The following ZMAT4 variants were observed in gnomAD, a reference collection of about 807,000 sequenced individuals.
The protein encoded by ZMAT4 is zinc finger matrin-type protein 4.
In ZMAT4, 17 loss-of-function variants were observed where a neutral mutation model predicts 28.7. That is an observed-to-expected ratio of 0.59 (90% CI 0.41 to 0.89). The LOEUF (loss-of-function observed/expected upper bound fraction) is 0.89, where lower values mean the gene tolerates loss of function less well. Ranked by LOEUF, ZMAT4 falls within the 40% of genes least tolerant of loss-of-function variation. The pLI is 0.00. For missense variants in ZMAT4, 240 were observed against 283.8 expected, an observed-to-expected ratio of 0.85 and a Z score of 1.11; for synonymous variants, 117 against 109.2, an observed-to-expected ratio of 1.07 and a Z score of -0.44.
Position 40,895,061 on chromosome 8 carries a change from C to T in ZMAT4, c.-5+2622G>A, listed in dbSNP as rs549430814. ...CAGAAGGATGACAGGGATGGAGGGACAGAGGGGTAAGGAGAGGACTTTTAT... is the reference window on the plus strand; with the variant it reads ...CAGAAGGATGACAGGGATGGAGGGATAGAGGGGTAAGGAGAGGACTTTTAT... On this transcript the variant is annotated intron_variant, in intron 1 of 6. Coordinates refer to ENST00000297737, the MANE Select transcript of ZMAT4 (RefSeq NM_024645.3). Among the ~76,000 whole-genome samples, 11 of 152,218 alleles carry T rather than the reference C, an allele frequency of 7.2e-5. No homozygotes were observed. The East Asian group carries it at 1.9e-3, about 27-fold the overall frequency.
chr8:40,882,869 A>C (rs1423363355), intron 1 of ZMAT4, among the ~76,000 whole-genome samples: 1 of 152,106 alleles, frequency 6.6e-6, no homozygotes, highest in African/African-American at 2.4e-5. Flanking sequence ...ATTTCATCCC[A>C]AAAAGACCAC....
chr8:40,793,484 A>C (rs1586061322), intron 2 of ZMAT4, among the ~76,000 whole-genome samples: 1 of 152,316 alleles, frequency 6.6e-6, no homozygotes, highest in East Asian at 1.9e-4. Flanking sequence ...TTTCTTTCCT[A>C]ATAGCATGAT....
In ZMAT4 at chr8:40,851,353, A is replaced by C. The variant is rs549152252; in HGVS notation, c.-4-25673T>G. 7.9e-5 allele frequency among the ~76,000 whole-genome samples: 12 copies of C among 152,324 alleles called. No homozygotes were observed. In the South Asian group the frequency reaches 1.9e-3, roughly 24 times the overall value. On this transcript the variant is annotated intron_variant, in intron 1 of 6. Coordinates refer to ENST00000297737, the MANE Select transcript of ZMAT4 (RefSeq NM_024645.3). The stretch of plus-strand genomic sequence containing the variant: ...CAATAAAAGGAAACAAACAAACAAA[A>C]AAAAACTTAACTATATTTTAAATGC...
intron 1 of ZMAT4, among the ~76,000 whole-genome samples, chr8:40,880,369 CAAA>C (rs542001956): frequency 3.3e-5 from 4 of 122,376 alleles, no homozygotes; most frequent in African/African-American, 3.0e-5. Context: ...AACTCCATCT[CAAA>C]AAAAAAAAAA....
chr8:40,594,232 TC>T, intron 5 of ZMAT4, among the ~76,000 whole-genome samples: 2 of 152,174 alleles, frequency 1.3e-5, no homozygotes, highest in Non-Finnish European at 2.9e-5. Flanking sequence ...TACAGTTATC[TC>T]AGTGGCCTTA....
chr8:40,609,156 T>C (rs566740782), intron 5 of ZMAT4, among the ~76,000 whole-genome samples: 6 of 152,322 alleles, frequency 3.9e-5, no homozygotes, highest in African/African-American at 1.4e-4. Context: ...AGCAAAATTC[T>C]ATAAAAAGTA....
chr8:40,556,065 C>T (rs1803525119), intron 6 of ZMAT4, among the ~76,000 whole-genome samples: 2 of 152,146 alleles, frequency 1.3e-5, no homozygotes, highest in Admixed American at 1.3e-4. Context: ...GGTTCTCCTA[C>T]TTCTATAGCA....
At chr8:40,715,047 CAAAA>C (rs10690797) in intron 3 of ZMAT4, among the ~76,000 whole-genome samples, 1 of 73,364 alleles carries the variant, frequency 1.4e-5, no homozygotes, top group Non-Finnish European at 2.4e-5. Context: ...GACTCTGTCT[CAAAA>C]AAAAAAAAAA....
rs1014958952 is a variant in ZMAT4 at position 40,793,926 on chromosome 8, G to A, written c.103-26196C>T. ...GCCCCAGATCTGTACACTCCTCAAG[G>A]ACATATGCAAGCTCCCTTCTGTGGA... is the stretch of plus-strand genomic sequence containing the variant. On this transcript the variant is annotated intron_variant, in intron 2 of 6. Transcript: ENST00000297737. Among the ~76,000 whole-genome samples, 16 of 152,242 alleles carry A rather than the reference G, an allele frequency of 1.1e-4. No individual in the cohort carries two copies. In the East Asian group the frequency reaches 3.1e-3, roughly 29 times the overall value.
At chr8:40,868,942 A>C (rs1057118195) in intron 1 of ZMAT4, among the ~76,000 whole-genome samples, 3 of 152,210 alleles carry the variant, frequency 2.0e-5, no homozygotes, top group African/African-American at 7.2e-5. Flanking sequence ...AGTATTGCCC[A>C]TTATACCAAA....
At chr8:40,663,260 T>C (rs1808276216) in intron 5 of ZMAT4, among the ~76,000 whole-genome samples, 1 of 152,184 alleles carries the variant, frequency 6.6e-6, no homozygotes, top group Admixed American at 6.5e-5. Context: ...CTTCTACATA[T>C]CTCAATGCTA....
chr8:40,699,541 T>C (rs1810038308), intron 3 of ZMAT4, among the ~76,000 whole-genome samples: 1 of 151,960 alleles, frequency 6.6e-6, no homozygotes, highest in Non-Finnish European at 1.5e-5. Context: ...ATAGCAAATA[T>C]ATTGAATCAA....
chr8:40,645,055 A>T (rs11988838), intron 5 of ZMAT4, among the ~76,000 whole-genome samples: 314 of 152,312 alleles, frequency 2.1e-3, no homozygotes, highest in African/African-American at 7.0e-3. Flanking sequence ...TCTATATGGG[A>T]TCCTGAAACA....
intron 1 of ZMAT4, among the ~76,000 whole-genome samples, chr8:40,881,535 A>AAAC (rs1818249878): frequency 2.9e-5 from 1 of 34,454 alleles, no homozygotes; most frequent in African/African-American, 1.4e-4. Context: ...AGACAGAAAG[A>AAAC]AAGAAAGAAA....
Position 40,872,918 on chromosome 8 carries a change from C to T in ZMAT4, c.-5+24765G>A, listed in dbSNP as rs906981087. On this transcript the variant is annotated intron_variant, in intron 1 of 6. Coordinates refer to ENST00000297737, the MANE Select transcript of ZMAT4 (RefSeq NM_024645.3). ...TTAACAAAACACAGACCACTAGAGC[C>T]GTCAGCAGGGTTCAGTCAGCTCAAC... Among the ~76,000 whole-genome samples, 5 of 152,060 alleles carry T rather than the reference C, an allele frequency of 3.3e-5. No individual in the cohort carries two copies. The East Asian group carries it at 5.8e-4, about 18-fold the overall frequency.
chr8:40,895,995 G>T (rs1241606719), intron 1 of ZMAT4, among the ~76,000 whole-genome samples: 1 of 152,106 alleles, frequency 6.6e-6, no homozygotes, highest in Non-Finnish European at 1.5e-5. Context: ...TAATTGGCAG[G>T]GCTGCAAAAT....
chr8:40,835,356 G>A (rs1390517869), intron 1 of ZMAT4, among the ~76,000 whole-genome samples: 1 of 152,114 alleles, frequency 6.6e-6, no homozygotes, highest in Non-Finnish European at 1.5e-5. Flanking sequence ...TGTGCACCCA[G>A]GCAGAAAAGC....
chr8:40,618,148 C>T (rs1173597096), intron 5 of ZMAT4, among the ~76,000 whole-genome samples: 1 of 152,138 alleles, frequency 6.6e-6, no homozygotes, highest in African/African-American at 2.4e-5. Context: ...GGTAACCAAC[C>T]CTAGGAAGAG....
chr8:40,848,922 C>G (rs1161511053), intron 1 of ZMAT4, among the ~76,000 whole-genome samples: 3 of 152,200 alleles, frequency 2.0e-5, no homozygotes, highest in Non-Finnish European at 4.4e-5. Context: ...CAGCCACCCC[C>G]AAATGACCTG....
Sources: allele counts gnomAD v4.1 joint callset (sites outside exome capture counted in the v4.1 genomes callset), GRCh38; gene constraint gnomAD v4.1.1; transcripts MANE v1.5; gene names NCBI Gene and HGNC (gene_info 2026-07-23, HGNC 2026-07-21).